Variants in TSNARE1 observed in about 807,000 individuals in gnomAD.
The protein encoded by TSNARE1 is t-SNARE domain-containing protein 1.
Under a neutral mutation model 62.0 loss-of-function variants are expected in TSNARE1, and 49 were observed. The ratio of observed to expected loss-of-function variants is 0.79; its 90% confidence interval spans 0.63 to 1.00. The LOEUF is 1.00. Among genes scored for constraint, TSNARE1 ranks in the 50% least tolerant of loss-of-function variants. The pLI, the probability that TSNARE1 is intolerant of heterozygous loss-of-function variation, is 0.00. For synonymous variants in TSNARE1, 328 were observed against 294.4 expected, an observed-to-expected ratio of 1.11 and a Z score of -1.17; for missense variants, 755 against 700.1, an observed-to-expected ratio of 1.08 and a Z score of -0.88.
intron 13 of TSNARE1, among the ~76,000 whole-genome samples, chr8:142,218,315 G>C (rs73362753): frequency 0.43 from 64,782 of 151,404 alleles, 14,266 homozygotes; most frequent in African/African-American, 0.53. Flanking sequence ...AGGGCTCAGC[G>C]TGTGACCAGG....
intron 13 of TSNARE1, among the ~76,000 whole-genome samples, chr8:142,228,761 G>A (rs1816952916): frequency 6.6e-6 from 1 of 152,216 alleles, no homozygotes; most frequent in Non-Finnish European, 1.5e-5. Context: ...CATAGAGGAT[G>A]ATGAAGGAAG....
chr8:142,359,197 C>A (rs1044021390), intron 1 of TSNARE1, among the ~76,000 whole-genome samples: 1 of 152,114 alleles, frequency 6.6e-6, no homozygotes, highest in Non-Finnish European at 1.5e-5. Context: ...GCCAGGTGCT[C>A]CCATCCTGAC....
chr8:142,225,524 G>A (rs577772372), intron 13 of TSNARE1, among the ~76,000 whole-genome samples: 1 of 152,156 alleles, frequency 6.6e-6, no homozygotes, highest in East Asian at 1.9e-4. Context: ...GGGCACTCCT[G>A]GGCCCTCTGC....
chr8:142,229,890 G>A (rs528000319), intron 12 of TSNARE1, among the ~76,000 whole-genome samples: 6 of 152,268 alleles, frequency 3.9e-5, no homozygotes, highest in Admixed American at 3.3e-4. Context: ...GAGGGATCTC[G>A]GCTGTTTCTC....
chr8:142,217,371 GA>G (rs869202105), intron 13 of TSNARE1, among the ~76,000 whole-genome samples: 1 of 140,262 alleles, frequency 7.1e-6, no homozygotes, highest in African/African-American at 2.8e-5. Flanking sequence ...AAGAAAGAAA[GA>G]AAAAAGGGAA....
chr8:142,230,024 A>G (rs139825712), intron 12 of TSNARE1, among the ~76,000 whole-genome samples: 1 of 152,372 alleles, frequency 6.6e-6, no homozygotes, highest in African/African-American at 2.4e-5. Flanking sequence ...GGCGAATGCC[A>G]GACATATAGT....
intron 10 of TSNARE1, among the ~76,000 whole-genome samples, chr8:142,294,861 A>T (rs553898001): frequency 7.2e-5 from 11 of 151,946 alleles, no homozygotes; most frequent in Middle Eastern, 3.4e-3. Context: ...TGAAGCTCAC[A>T]CTCCCGGTGA....
At chr8:142,316,114 G>A (rs1347545090) in intron 7 of TSNARE1, among the ~76,000 whole-genome samples, 1 of 147,028 alleles carries the variant, frequency 6.8e-6, no homozygotes, top group African/African-American at 2.4e-5. Flanking sequence ...CCCGTAAGAG[G>A]GACCCAGCGT....
intron 12 of TSNARE1, among the ~76,000 whole-genome samples, chr8:142,256,043 C>T (rs1253919761): frequency 6.3e-5 from 4 of 63,324 alleles, no homozygotes; most frequent in East Asian, 4.8e-4. Flanking sequence ...ACCGTCACCA[C>T]CACCGTCACC....
At chr8:142,292,361 G>A (rs1179320583) in intron 10 of TSNARE1, among the ~76,000 whole-genome samples, 1 of 152,232 alleles carries the variant, frequency 6.6e-6, no homozygotes, top group East Asian at 1.9e-4. Context: ...AACCAGTGGT[G>A]GGAAGGCAGG....
At chr8:142,332,894 T>G (rs1831255282) in intron 4 of TSNARE1, among the ~76,000 whole-genome samples, 1 of 152,186 alleles carries the variant, frequency 6.6e-6, no homozygotes, top group South Asian at 2.1e-4. Flanking sequence ...GCAGCTTGAT[T>G]GCTACCAGCC....
chr8:142,246,839 T>G (rs544550971), intron 12 of TSNARE1, among the ~76,000 whole-genome samples: 1 of 152,184 alleles, frequency 6.6e-6, no homozygotes, highest in African/African-American at 2.4e-5. Flanking sequence ...CACCAACCTG[T>G]GTTAGCACCT....
At position 142,373,360 on chromosome 8, in the gene TSNARE1, T is replaced by C. The variant is rs570116177; in HGVS notation, c.-39-18597A>G. ...TCAAAGGTCCAGCCAGGTCTCACCCTGACTGGCGGCTGGGAGAGAGGAGGC... is the reference window on the plus strand; with the variant it reads ...TCAAAGGTCCAGCCAGGTCTCACCCCGACTGGCGGCTGGGAGAGAGGAGGC... On this transcript the variant is annotated intron_variant, in intron 1 of 13. Transcript: ENST00000524325. Among the ~76,000 whole-genome samples, 35 of 152,194 alleles carry C rather than the reference T, an allele frequency of 2.3e-4. 1 individual carries two copies. The South Asian group carries it at 6.2e-3, about 27-fold the overall frequency.
chr8:142,264,439 G>A (rs561775012), intron 12 of TSNARE1, among the ~76,000 whole-genome samples: 6 of 152,334 alleles, frequency 3.9e-5, no homozygotes, highest in South Asian at 2.1e-4. Flanking sequence ...GTAAGCATCC[G>A]TGAAGTTCAG....
chr8:142,399,406 G>A (rs899771830), intron 1 of TSNARE1, among the ~76,000 whole-genome samples: 1 of 152,226 alleles, frequency 6.6e-6, no homozygotes, highest in Non-Finnish European at 1.5e-5. Flanking sequence ...GGGTGGGGTG[G>A]CAGACAGGGA....
intron 11 of TSNARE1, among the ~76,000 whole-genome samples, chr8:142,281,363 A>G (rs1310537225): frequency 2.6e-5 from 4 of 152,206 alleles, no homozygotes; most frequent in African/African-American, 9.6e-5. Flanking sequence ...TGAATGGGTC[A>G]GAGCCCTCCA....
At chr8:142,281,714 G>C (rs899184010) in intron 11 of TSNARE1, among the ~76,000 whole-genome samples, 1 of 152,094 alleles carries the variant, frequency 6.6e-6, no homozygotes, top group Non-Finnish European at 1.5e-5. Context: ...CTGTGGCCCA[G>C]GGTGGGTGAG....
chr8:142,364,166 C>T (rs546371297), intron 1 of TSNARE1, among the ~76,000 whole-genome samples: 13 of 152,286 alleles, frequency 8.5e-5, no homozygotes, highest in East Asian at 7.7e-4. Context: ...GGTTCCTCGG[C>T]GCTCTCCCTG....
At chr8:142,360,505 G>T (rs746950301) in intron 1 of TSNARE1, among the ~76,000 whole-genome samples, 1 of 152,176 alleles carries the variant, frequency 6.6e-6, no homozygotes, top group Non-Finnish European at 1.5e-5. Flanking sequence ...CAATGAGGCC[G>T]GACGGAGGCC....
Sources: allele counts gnomAD v4.1 joint callset (sites outside exome capture counted in the v4.1 genomes callset), GRCh38; gene constraint gnomAD v4.1.1; transcripts MANE v1.5; gene names NCBI Gene and HGNC (gene_info 2026-07-23, HGNC 2026-07-21).